The following INPP5A variants were observed in gnomAD, a reference collection of about 807,000 sequenced individuals.
INPP5A encodes the protein 43 kDa inositol polyphosphate 5-phophatase.
INPP5A carries 14 observed loss-of-function variants against 65.2 expected under a neutral mutation model. The observed-to-expected ratio is 0.21, with a 90% confidence interval of 0.14 to 0.34. The LOEUF (loss-of-function observed/expected upper bound fraction) is 0.34, where lower values mean the gene tolerates loss of function less well. INPP5A is among the 10% of genes least tolerant of loss of function. The pLI, the probability that INPP5A is intolerant of heterozygous loss-of-function variation, is 1.00. For synonymous variants in INPP5A, 207 were observed against 208.3 expected (o/e 0.99, Z 0.05); for missense variants, 431 against 545.6 (o/e 0.79, Z 2.09).
At chr10:132,638,925 T>A (rs552119742) in intron 2 of INPP5A, among the ~76,000 whole-genome samples, 2 of 152,334 alleles carry the variant, frequency 1.3e-5, no homozygotes, top group African/African-American at 4.8e-5. Context: ...TCTCTCTATA[T>A]AAGTTACATA....
At chr10:132,563,641 C>T (rs180955577) in intron 1 of INPP5A, among the ~76,000 whole-genome samples, 6 of 151,356 alleles carry the variant, frequency 4.0e-5, no homozygotes, top group South Asian at 2.1e-4. Flanking sequence ...AAACGAAGTG[C>T]GAGTGGGTGT....
rs1453613083 is a variant in INPP5A, at chr10:132,651,492, G to A, written c.306+987G>A. On this transcript the variant is annotated intron_variant, in intron 4 of 15. Transcript: ENST00000368594. This position sits in a 1 kb window ranked among gnomAD's most constrained non-coding sequence, Gnocchi z 5.0. ...GTCCATCTCCCCCATCTCTGGGGAGGCCCTGGGTCCCCCGGCCTGGTTCCA... is the reference window on the plus strand; with the variant it reads ...GTCCATCTCCCCCATCTCTGGGGAGACCCTGGGTCCCCCGGCCTGGTTCCA... Among the ~76,000 whole-genome samples the A allele has an allele frequency of 1.3e-5, 2 of 151,680 alleles. No homozygotes were observed. The highest frequency in any genetic ancestry group is 2.9e-5 in the Non-Finnish European group (2 of 67,832).
chr10:132,629,820 C>T (rs1341711309), intron 2 of INPP5A, among the ~76,000 whole-genome samples: 2 of 151,976 alleles, frequency 1.3e-5, no homozygotes, highest in African/African-American at 4.8e-5. Context: ...GGAGGGTATC[C>T]ATGAGGGAGG....
At chr10:132,702,221 T>G (rs1845449004) in intron 6 of INPP5A, among the ~76,000 whole-genome samples, 1 of 152,264 alleles carries the variant, frequency 6.6e-6, no homozygotes, top group South Asian at 2.1e-4. Flanking sequence ...CTGTTAAATT[T>G]TCTGAGATTC....
At chr10:132,586,973 G>C (rs569735289) in intron 1 of INPP5A, among the ~76,000 whole-genome samples, 2 of 152,212 alleles carry the variant, frequency 1.3e-5, no homozygotes, top group African/African-American at 4.8e-5. Context: ...ATCATCTGTC[G>C]GCTTCTGCAG....
At chr10:132,588,239 G>C (rs558194812) in intron 1 of INPP5A, among the ~76,000 whole-genome samples, 1 of 152,196 alleles carries the variant, frequency 6.6e-6, no homozygotes, top group Non-Finnish European at 1.5e-5. Context: ...CTGTTCCTCT[G>C]TGTCCCCGTT....
chr10:132,782,495 T>C lies in INPP5A; in HGVS notation c.*466T>C. The C allele has an allele frequency of 5.2e-6, 1 of 191,032 alleles. No individual in the cohort carries two copies. The highest frequency in any genetic ancestry group is 9.5e-5 in the South Asian group (1 of 10,502). The allele number at this position is 191,032 out of a possible 1,614,324, so 11.8% of individuals were successfully genotyped here. On this transcript the variant is annotated 3_prime_UTR_variant, in exon 16 of 16. Coordinates refer to ENST00000368594, the MANE Select transcript of INPP5A (RefSeq NM_005539.5). The surrounding 1 kb of genome is among the most constrained non-coding windows in gnomAD (Gnocchi z 4.4). ...CCGGCCGGCAGCGTGGCCCTGAGCA[T>C]GGCAAGGGGGTCTGTCTCTGCCGAT...
At chr10:132,610,500 T>A (rs971258239) in intron 2 of INPP5A, among the ~76,000 whole-genome samples, 1 of 152,250 alleles carries the variant, frequency 6.6e-6, no homozygotes, top group African/African-American at 2.4e-5. Flanking sequence ...CTGGGACATG[T>A]GACCTGAGCA....
At chr10:132,759,553 C>T (rs1185928566) in intron 11 of INPP5A, among the ~76,000 whole-genome samples, 1 of 152,052 alleles carries the variant, frequency 6.6e-6, no homozygotes, top group African/African-American at 2.4e-5. Flanking sequence ...CGGAGGGGCC[C>T]AGCATCGGAA....
chr10:132,665,469 G>A (rs762581382), intron 4 of INPP5A, among the ~76,000 whole-genome samples: 1 of 152,286 alleles, frequency 6.6e-6, no homozygotes, highest in Non-Finnish European at 1.5e-5. Flanking sequence ...TGGGCTGGGT[G>A]TAGTGCTTCA....
intron 13 of INPP5A, chr10:132,777,984 G>A: frequency 7.2e-7 from 1 of 1,380,172 alleles, no homozygotes; most frequent in Non-Finnish European, 9.5e-7. Context: ...TGGGGCAGCA[G>A]CAGATGGAGC....
intron 2 of INPP5A, among the ~76,000 whole-genome samples, chr10:132,619,851 G>T (rs566918067): frequency 5.9e-5 from 9 of 152,310 alleles, no homozygotes; most frequent in Non-Finnish European, 1.2e-4. Flanking sequence ...TAGAGACAGG[G>T]TTTCACCATA....
In INPP5A at chr10:132,555,390, G is replaced by GT. The variant is rs2071113345; in HGVS notation, c.75+17226dup. On this transcript the variant is annotated intron_variant, in intron 1 of 15. Coordinates refer to ENST00000368594, the MANE Select transcript of INPP5A (RefSeq NM_005539.5). The surrounding 1 kb of genome is among the most constrained non-coding windows in gnomAD (Gnocchi z 4.4). The stretch of plus-strand genomic sequence containing the variant: ...CCAGTGGAGCTGCTGGGGCCTATCT[G>GT]TTTTTTTGAACTTCTGATAAGTTGC... Among the ~76,000 whole-genome samples, 1 of 151,988 alleles carries GT rather than the reference G, an allele frequency of 6.6e-6. No individual in the cohort carries two copies. Among genetic ancestry groups the GT allele is most frequent in the African/African-American group, 2.4e-5 (1 of 41,348 alleles).
chr10:132,572,708 AG>A (rs1246122153), intron 1 of INPP5A, among the ~76,000 whole-genome samples: 2 of 152,118 alleles, frequency 1.3e-5, no homozygotes, highest in African/African-American at 2.4e-5. Context: ...CGTTTATAAC[AG>A]GACAGGATTC....
intron 13 of INPP5A, among the ~76,000 whole-genome samples, chr10:132,779,375 G>A (rs1423729581): frequency 6.6e-6 from 1 of 152,240 alleles, no homozygotes; most frequent in South Asian, 2.1e-4. Flanking sequence ...GAGCCTCCCG[G>A]GGACTCGGGC....
chr10:132,610,829 G>T (rs1248774683), intron 2 of INPP5A, among the ~76,000 whole-genome samples: 2 of 152,270 alleles, frequency 1.3e-5, no homozygotes, highest in African/African-American at 4.8e-5. Flanking sequence ...GTTCTCCAGG[G>T]TTTATGGTTG....
At chr10:132,747,707 G>C (rs144939777) in intron 9 of INPP5A, among the ~76,000 whole-genome samples, 44 of 152,340 alleles carry the variant, frequency 2.9e-4, no homozygotes, top group African/African-American at 9.6e-4. Context: ...TACTTTTGGT[G>C]CAGTCATCAT....
At chr10:132,645,829 G>T (rs766858771) in intron 2 of INPP5A, 39 bp from the exon 3 acceptor site, 1 of 1,504,374 alleles carries the variant, frequency 6.6e-7, no homozygotes, top group Middle Eastern at 1.9e-4. Flanking sequence ...CTCTGTGGAC[G>T]GCTCCGACGA....
intron 2 of INPP5A, among the ~76,000 whole-genome samples, chr10:132,632,623 G>C (rs1444873581): frequency 6.6e-6 from 1 of 152,232 alleles, no homozygotes; most frequent in Non-Finnish European, 1.5e-5. Flanking sequence ...ACCCCGCCCA[G>C]ATTGTCATGG....
Sources: allele counts gnomAD v4.1 joint callset (sites outside exome capture counted in the v4.1 genomes callset), GRCh38; gene constraint gnomAD v4.1.1; non-coding constraint Gnocchi (gnomAD v3.1); transcripts MANE v1.5; gene names NCBI Gene and HGNC (gene_info 2026-07-23, HGNC 2026-07-21).